Variants in TAFA1 observed in about 807,000 individuals in gnomAD.
TAFA1 encodes the protein chemokine-like protein TAFA-1.
TAFA1 carries 4 observed loss-of-function variants against 18.5 expected under a neutral mutation model. The ratio of observed to expected loss-of-function variants is 0.22; its 90% confidence interval spans 0.11 to 0.49. The LOEUF (loss-of-function observed/expected upper bound fraction) is 0.49. Among genes scored for constraint, TAFA1 ranks in the 20% least tolerant of loss-of-function variants. The pLI is 0.98. For missense variants in TAFA1, 147 were observed against 169.0 expected, an observed-to-expected ratio of 0.87 and a Z score of 0.72; for synonymous variants, 56 against 55.2, an observed-to-expected ratio of 1.01 and a Z score of -0.06.
At chr3:68,500,707 G>GA (rs11438676) in intron 3 of TAFA1, among the ~76,000 whole-genome samples, 121,116 of 149,956 alleles carry the variant, frequency 0.81, 49,251 homozygotes, top group African/African-American at 0.91. Flanking sequence ...GTCTTTTATG[G>GA]AAAAAAAAAA....
rs144360395 is a variant in TAFA1 at position 68,540,252 on chromosome 3, G to A, written c.384+1372G>A. On this transcript the variant is annotated intron_variant, in intron 4 of 4. Coordinates refer to ENST00000478136, the MANE Select transcript of TAFA1 (RefSeq NM_213609.4). ...CAGTAGTAAATGGCTATACATTTCC[G>A]GCTTGCGACCAGGAGGAACCTCTGA... is the stretch of plus-strand genomic sequence containing the variant. Among the ~76,000 whole-genome samples, 694 of 151,516 alleles carry A rather than the reference G, an allele frequency of 4.6e-3. 1 individual carries two copies. The highest frequency in any genetic ancestry group is 0.015 in the African/African-American group (638 of 41,264).
At chr3:68,058,550 T>C (rs534317740) in intron 2 of TAFA1, among the ~76,000 whole-genome samples, 193 of 152,338 alleles carry the variant, frequency 1.3e-3, no homozygotes, top group African/African-American at 4.4e-3. Context: ...ACAAGATCTC[T>C]GAGTTATTAA....
intron 3 of TAFA1, among the ~76,000 whole-genome samples, chr3:68,472,457 T>C (rs2072015551): frequency 6.6e-6 from 1 of 151,774 alleles, no homozygotes; most frequent in Admixed American, 6.6e-5. Flanking sequence ...ATACAGGTGG[T>C]ATACACACAA....
chr3:68,382,509 G>A (rs543832514), intron 2 of TAFA1, among the ~76,000 whole-genome samples: 2 of 152,140 alleles, frequency 1.3e-5, no homozygotes, highest in South Asian at 2.1e-4. Flanking sequence ...TGTCAGCTTT[G>A]TCAAAGATGA....
At chr3:68,236,675 TG>T (rs534693354) in intron 2 of TAFA1, among the ~76,000 whole-genome samples, 3 of 152,254 alleles carry the variant, frequency 2.0e-5, no homozygotes, top group South Asian at 4.1e-4. Flanking sequence ...ATATTTTTCA[TG>T]GGAAAATGTA....
intron 2 of TAFA1, among the ~76,000 whole-genome samples, chr3:68,224,988 A>T (rs2066779594): frequency 7.5e-6 from 1 of 133,184 alleles, no homozygotes; most frequent in Admixed American, 9.4e-5. Flanking sequence ...AGCTCACTGC[A>T]ACCTCTGCCT....
At chr3:68,362,362 G>A (rs2069484031) in intron 2 of TAFA1, among the ~76,000 whole-genome samples, 1 of 152,114 alleles carries the variant, frequency 6.6e-6, no homozygotes, top group East Asian at 1.9e-4. Flanking sequence ...TAACCACAGA[G>A]GTGGCATTTT....
intron 2 of TAFA1, among the ~76,000 whole-genome samples, chr3:68,315,949 G>A (rs985329205): frequency 1.4e-4 from 22 of 152,172 alleles, no homozygotes; most frequent in African/African-American, 4.6e-4. Flanking sequence ...TGAAGAGGAA[G>A]GTCAGAGGAA....
intron 3 of TAFA1, among the ~76,000 whole-genome samples, chr3:68,444,315 G>A (rs1429792222): frequency 6.6e-6 from 1 of 152,114 alleles, no homozygotes; most frequent in Non-Finnish European, 1.5e-5. Context: ...TCTCCCATAA[G>A]TTATACCTAC....
intron 2 of TAFA1, among the ~76,000 whole-genome samples, chr3:68,036,994 GT>G (rs1286993754): frequency 5.9e-5 from 9 of 152,092 alleles, no homozygotes; most frequent in African/African-American, 1.9e-4. Context: ...GAGACCCATA[GT>G]CTAGTGGAGC....
intron 2 of TAFA1, among the ~76,000 whole-genome samples, chr3:68,089,792 C>G (rs1056945382): frequency 6.6e-6 from 1 of 152,032 alleles, no homozygotes; most frequent in Non-Finnish European, 1.5e-5. Flanking sequence ...TTAGCTGGTC[C>G]CTCAATGTCT....
intron 2 of TAFA1, among the ~76,000 whole-genome samples, chr3:68,286,075 G>A (rs1219424411): frequency 6.6e-6 from 1 of 151,984 alleles, no homozygotes; most frequent in Non-Finnish European, 1.5e-5. Context: ...GCTGGGCGTG[G>A]TGGCATGCAC....
chr3:68,476,569 C>G (rs948423030), intron 3 of TAFA1, among the ~76,000 whole-genome samples: 22 of 152,202 alleles, frequency 1.4e-4, no homozygotes, highest in African/African-American at 3.9e-4. Flanking sequence ...ATTAAAGAAG[C>G]CTAATAATTG....
intron 3 of TAFA1, among the ~76,000 whole-genome samples, chr3:68,519,533 G>T (rs9790215): frequency 1.3e-5 from 2 of 151,900 alleles, no homozygotes; most frequent in African/African-American, 4.8e-5. Context: ...ATATGTATGT[G>T]CTATAGGCTA....
At chr3:68,140,700 A>C (rs1409388060) in intron 2 of TAFA1, among the ~76,000 whole-genome samples, 1 of 152,244 alleles carries the variant, frequency 6.6e-6, no homozygotes, top group African/African-American at 2.4e-5. Context: ...ATTAAAGCAC[A>C]TAAAGCACTA....
intron 2 of TAFA1, among the ~76,000 whole-genome samples, chr3:68,150,642 G>C (rs898966855): frequency 6.6e-6 from 1 of 152,046 alleles, no homozygotes; most frequent in African/African-American, 2.4e-5. Flanking sequence ...TTGCAAGATG[G>C]TACTGGCAGG....
At chr3:68,122,788 GTATATGTGTGTATATA>G (rs1012971770) in intron 2 of TAFA1, among the ~76,000 whole-genome samples, 4 of 151,214 alleles carry the variant, frequency 2.6e-5, no homozygotes, top group Non-Finnish European at 5.9e-5. Context: ...TGTCATTTCT[GTATATGTGTGTATATA>G]TATATGTGTG....
At chr3:68,325,571 G>A (rs1335842170) in intron 2 of TAFA1, among the ~76,000 whole-genome samples, 1 of 151,996 alleles carries the variant, frequency 6.6e-6, no homozygotes, top group Non-Finnish European at 1.5e-5. Context: ...TATAGTCTAT[G>A]TTCTGGCTAT....
At chr3:68,111,026 G>T (rs749694209) in intron 2 of TAFA1, among the ~76,000 whole-genome samples, 14 of 152,152 alleles carry the variant, frequency 9.2e-5, no homozygotes, top group Non-Finnish European at 1.9e-4. Flanking sequence ...TCTAACTCTA[G>T]AATTAATGTG....
Sources: allele counts gnomAD v4.1 joint callset (sites outside exome capture counted in the v4.1 genomes callset), GRCh38; gene constraint gnomAD v4.1.1; transcripts MANE v1.5; gene names NCBI Gene and HGNC (gene_info 2026-07-23, HGNC 2026-07-21).